GABRB3: variants seen among roughly 807,000 people sequenced by gnomAD.
The protein encoded by GABRB3 is gamma-aminobutyric acid type A receptor subunit beta3.
Under a neutral mutation model 52.1 loss-of-function variants are expected in GABRB3, and 14 were observed. The observed-to-expected ratio is 0.27, with a 90% confidence interval of 0.18 to 0.42. GABRB3 has a LOEUF of 0.42. Ranked by LOEUF, GABRB3 falls within the 10% of genes least tolerant of loss-of-function variation. The probability of loss-of-function intolerance (pLI) is 1.00; values close to 1 mark genes in which losing one functional copy is unlikely to be tolerated. For synonymous variants in GABRB3, 260 were observed against 232.3 expected (o/e 1.12, Z -1.08); for missense variants, 307 against 609.1 (o/e 0.50, Z 5.22).
chr15:26,588,636 C>T (rs1891081387), intron 4 of GABRB3, among the ~76,000 whole-genome samples: 1 of 151,962 alleles, frequency 6.6e-6, no homozygotes, highest in African/African-American at 2.4e-5. Flanking sequence ...GAATGAAGAG[C>T]AATAAGGTTG....
At chr15:26,758,946 C>T (rs895765855) in intron 3 of GABRB3, among the ~76,000 whole-genome samples, 69 of 152,220 alleles carry the variant, frequency 4.5e-4, no homozygotes, top group African/African-American at 1.6e-3. Flanking sequence ...AGCGGAAAAA[C>T]CTAAGTTAAA....
In GABRB3 at chr15:26,678,042, C is replaced by T. The variant is rs1051083541; in HGVS notation, c.241-56508G>A. Among the ~76,000 whole-genome samples, 5 of 108,340 alleles carry T rather than the reference C, an allele frequency of 4.6e-5. No homozygotes were observed. In the East Asian group the frequency reaches 7.1e-4, roughly 15 times the overall value. The allele number at this position is 108,340 out of a possible 152,430, so 71.1% of individuals were successfully genotyped here. On this transcript the variant is annotated intron_variant, in intron 3 of 8. Coordinates refer to ENST00000311550, the MANE Select transcript of GABRB3 (RefSeq NM_000814.6). ...AATTTGACTAGTGCCAGTAACAAAT[C>T]CAAAGAAAAAACAGAGTGGGTGTCG...
At chr15:26,642,356 TG>T in intron 3 of GABRB3, 1 of 521,130 alleles carries the variant, frequency 1.9e-6, no homozygotes, top group Non-Finnish European at 3.1e-6. Flanking sequence ...TTGGTGTACT[TG>T]GAGGTATGGG....
At chr15:26,551,034 C>G (rs2928695) in intron 8 of GABRB3, among the ~76,000 whole-genome samples, 1 of 152,100 alleles carries the variant, frequency 6.6e-6, no homozygotes, top group Non-Finnish European at 1.5e-5. Context: ...AGGCAAACAC[C>G]GTTCCCAGCA....
At chr15:26,656,343 TGCC>T (rs1887372553) in intron 3 of GABRB3, among the ~76,000 whole-genome samples, 1 of 152,160 alleles carries the variant, frequency 6.6e-6, no homozygotes, top group Non-Finnish European at 1.5e-5. Context: ...TAGCAAATGT[TGCC>T]AATAAGGATT....
intron 6 of GABRB3, among the ~76,000 whole-genome samples, chr15:26,576,492 A>C (rs1438250167): frequency 1.3e-5 from 2 of 152,196 alleles, no homozygotes; most frequent in Admixed American, 1.3e-4. Flanking sequence ...GAAAAATAAA[A>C]CATGGGTTTG....
At chr15:26,674,400 CAAAAAAAAAAAAA>C (rs55723767) in intron 3 of GABRB3, among the ~76,000 whole-genome samples, 3 of 86,766 alleles carry the variant, frequency 3.5e-5, no homozygotes, top group East Asian at 3.1e-4. Context: ...GACTCAGTTT[CAAAAAAAAAAAAA>C]AAAAAAAAGA....
intron 4 of GABRB3, chr15:26,614,380 T>C (rs1032667877): frequency 2.0e-5 from 3 of 151,750 alleles, no homozygotes; most frequent in Admixed American, 6.6e-5. Context: ...TTAAAGTGAG[T>C]CAGGCAATCT....
At chr15:26,582,653 G>A (rs1173973722) in intron 5 of GABRB3, among the ~76,000 whole-genome samples, 1 of 152,134 alleles carries the variant, frequency 6.6e-6, no homozygotes, top group Non-Finnish European at 1.5e-5. Context: ...TACCACAATT[G>A]TTTCAAGTGG....
chr15:26,704,378 C>G (rs969312581), intron 3 of GABRB3, among the ~76,000 whole-genome samples: 2 of 152,220 alleles, frequency 1.3e-5, no homozygotes, highest in Non-Finnish European at 2.9e-5. Flanking sequence ...GAACCTCTCT[C>G]AAGTGTCTTT....
At chr15:26,679,380 C>T (rs749369974) in intron 3 of GABRB3, among the ~76,000 whole-genome samples, 29 of 152,008 alleles carry the variant, frequency 1.9e-4, no homozygotes, top group Non-Finnish European at 1.2e-4. Context: ...GTGAGAATCG[C>T]ACTCACCTGC....
chr15:26,715,632 C>A (rs1343264738), intron 3 of GABRB3, among the ~76,000 whole-genome samples: 3 of 152,072 alleles, frequency 2.0e-5, no homozygotes, highest in Admixed American at 6.5e-5. Flanking sequence ...TGAGCACATA[C>A]AATATGTTTT....
intron 3 of GABRB3, among the ~76,000 whole-genome samples, chr15:26,771,650 G>A (rs1891147041): frequency 6.6e-6 from 1 of 152,174 alleles, no homozygotes; most frequent in Admixed American, 6.5e-5. Context: ...AGCCCGCTTC[G>A]CACCTCGGGG....
intron 3 of GABRB3, among the ~76,000 whole-genome samples, chr15:26,690,003 C>T (rs1888534755): frequency 6.6e-6 from 1 of 152,062 alleles, no homozygotes; most frequent in South Asian, 2.1e-4. Flanking sequence ...ATTTCTCTAA[C>T]CTAAACTAAC....
chr15:26,675,836 G>A (rs1056291224), intron 3 of GABRB3, among the ~76,000 whole-genome samples: 1 of 152,168 alleles, frequency 6.6e-6, no homozygotes, highest in Non-Finnish European at 1.5e-5. Context: ...GATGGTAAAT[G>A]AGAAAACTGA....
chr15:26,563,637 T>C (rs1412279282), intron 7 of GABRB3, among the ~76,000 whole-genome samples: 1 of 152,204 alleles, frequency 6.6e-6, no homozygotes, highest in African/African-American at 2.4e-5. Flanking sequence ...ACCGGCACTG[T>C]TAACACTAAC....
chr15:26,651,369 T>G (rs1887191916), intron 3 of GABRB3, among the ~76,000 whole-genome samples: 1 of 152,264 alleles, frequency 6.6e-6, no homozygotes, highest in Admixed American at 6.5e-5. Flanking sequence ...AGAAGAATAC[T>G]GCATCAATTT....
In GABRB3 at chr15:26,615,233, C is replaced by T. The variant is rs544287135; in HGVS notation, c.461+6081G>A. The stretch of plus-strand genomic sequence containing the variant: ...CTGTGACTGGGACAGGACAAAGGAC[C>T]ATTAGTCTCTTAGTCAGCCAAGATC... On this transcript the variant is annotated intron_variant, in intron 4 of 8. Coordinates refer to ENST00000311550, the MANE Select transcript of GABRB3 (RefSeq NM_000814.6). The T allele has an allele frequency of 1.4e-5, 13 of 953,982 alleles. No homozygotes were observed. The African/African-American group carries it at 2.3e-4, about 17-fold the overall frequency. 59.1% of individuals were successfully genotyped at this position (953,982 alleles called of 1,614,324 possible). A position where few individuals can be genotyped will look rare whatever the true frequency, so the allele number is the denominator to read the frequency against.
intron 4 of GABRB3, among the ~76,000 whole-genome samples, chr15:26,604,320 T>G (rs1201345573): frequency 6.6e-6 from 1 of 152,178 alleles, no homozygotes; most frequent in Non-Finnish European, 1.5e-5. Context: ...AGAATCATTA[T>G]TGTTAAAATG....
Sources: allele counts gnomAD v4.1 joint callset (sites outside exome capture counted in the v4.1 genomes callset), GRCh38; gene constraint gnomAD v4.1.1; transcripts MANE v1.5; gene names NCBI Gene and HGNC (gene_info 2026-07-23, HGNC 2026-07-21).